Variants in TMEM175 observed in about 807,000 individuals in gnomAD.
The protein encoded by TMEM175 is endosomal/lysosomal proton channel TMEM175.
A neutral mutation model predicts 36.5 loss-of-function variants in TMEM175; 36 were observed. That is an observed-to-expected ratio of 0.99 (90% confidence interval 0.76 to 1.30). The LOEUF (loss-of-function observed/expected upper bound fraction) is 1.30, where lower values mean the gene tolerates loss of function less well. Among genes scored for constraint, TMEM175 ranks in the 50% most tolerant of loss-of-function variants. The pLI is 0.00. For missense variants in TMEM175, 705 were observed against 692.8 expected (o/e 1.02, Z -0.20); for synonymous variants, 339 against 313.4 (o/e 1.08, Z -0.86).
At chr4:953,979 A>G (rs10902761) in intron 8 of TMEM175, among the ~76,000 whole-genome samples, 71,591 of 151,408 alleles carry the variant, frequency 0.47, 17,332 homozygotes, top group African/African-American at 0.56. Flanking sequence ...CCACCACGCC[A>G]GCCTTTATTT....
chr4:955,448 G>A lies in TMEM175; in HGVS notation c.671G>A (p.Ser224Asn). 3 of 1,614,194 alleles carry A rather than the reference G, an allele frequency of 1.9e-6. No individual in the cohort carries two copies. Among genetic ancestry groups the A allele is most frequent in the Non-Finnish European group, 2.5e-6 (3 of 1,180,028 alleles). The change falls in exon 9 of 11, where the codon AGC becomes AAC. Residue 224 changes from serine to asparagine, a missense_variant. Physicochemically the swap from Ser to Asn is conservative, Grantham distance 46. Transcript: ENST00000264771. ...ACTGTCATCCTCCTCCCCTATGTCA[G>A]CAAGGTCACCGGCTGGTGCAGAGAC... ...MVTVILLPYV[S>N]KVTGWCRDRL...
At position 955,540 on chromosome 4, in the gene TMEM175, C is replaced by G. The variant is rs189833174; in HGVS notation, c.706+57C>G. 95 of 1,550,716 alleles carry G rather than the reference C, an allele frequency of 6.1e-5. No homozygotes were observed. In the Admixed American group the frequency reaches 1.6e-3, roughly 25 times the overall value. On this transcript the variant is annotated intron_variant, in intron 9 of 10. Coordinates refer to ENST00000264771, the MANE Select transcript of TMEM175 (RefSeq NM_032326.4). ...GGCCTGTAGTCCGCCCACCTCCGTG[C>G]GGCTGCTCCGCACTGAGGGCTGTCC... is the stretch of plus-strand genomic sequence containing the variant.
chr4:953,578 ACGCT>A (rs1222876451), intron 8 of TMEM175, among the ~76,000 whole-genome samples: 1 of 152,230 alleles, frequency 6.6e-6, no homozygotes, highest in Non-Finnish European at 1.5e-5. Context: ...ACAGAGACGG[ACGCT>A]CATCGAAGGA....
Position 948,129 on chromosome 4 carries a change from C to G in TMEM175, c.167C>G (p.Thr56Ser). The change falls in exon 3 of 11, where the codon ACC (threonine) becomes AGC (serine). Residue 56 changes from threonine to serine, a missense_variant. By Grantham distance (58) the Thr-to-Ser change is moderately conservative. Transcript: ENST00000264771. ...IIATVMILPVTHTEISPEQQF... is the reference protein window; with the variant it reads ...IIATVMILPVSHTEISPEQQF... Reference sequence around the variant, plus strand: ...TTGCCCCCTCAGATCCTGCCTGTGACCCACACGGAGATCTCCCCAGAACAG... The same window carrying G: ...TTGCCCCCTCAGATCCTGCCTGTGAGCCACACGGAGATCTCCCCAGAACAG... The G allele has an allele frequency of 1.2e-5, 20 of 1,614,154 alleles. No homozygotes were observed. The highest frequency in any genetic ancestry group is 1.7e-5 in the Non-Finnish European group (20 of 1,180,038).
chr4:947,907 C>T lies in TMEM175; in HGVS notation c.153+15C>T. ...CCACCGTCATGGTCTGTACGGGGCC[C>T]CTGCTTAGGCCTGCCCCACCCCGAG... On this transcript the variant is annotated intron_variant, in intron 2 of 10. Transcript: ENST00000264771. The T allele has an allele frequency of 6.2e-7, 1 of 1,613,850 alleles. No homozygotes were observed. The highest frequency in any genetic ancestry group is 1.3e-5 in the African/African-American group (1 of 75,040).
At position 958,019 on chromosome 4, in the gene TMEM175, G is replaced by T; in HGVS notation, c.1038G>T (p.Thr346=). 2 of 1,612,006 alleles carry T rather than the reference G, an allele frequency of 1.2e-6. No homozygotes were observed. The highest frequency in any genetic ancestry group is 8.5e-7 in the Non-Finnish European group (1 of 1,179,628). ...KATRAMGLLN[T]LSLAFVGGLP... is the part of the protein sequence containing the mutation. Reference sequence around the variant, plus strand: ...CGCGGGCCATGGGGCTGCTGAACACGCTCTCGCTGGCCTTCGTGGGTGGCC... The same window carrying T: ...CGCGGGCCATGGGGCTGCTGAACACTCTCTCGCTGGCCTTCGTGGGTGGCC... The change falls in exon 11 of 11, where the codon ACG becomes ACT. Residue 346 remains threonine, a synonymous_variant. Coordinates refer to ENST00000264771, the MANE Select transcript of TMEM175 (RefSeq NM_032326.4).
chr4:949,635 G>C (rs941519015), intron 3 of TMEM175, among the ~76,000 whole-genome samples: 2 of 150,838 alleles, frequency 1.3e-5, no homozygotes, highest in African/African-American at 5.0e-5. Context: ...GCCTGCAAGT[G>C]AAGAACCAAG....
chr4:955,826 C>T lies in TMEM175; in HGVS notation c.778C>T (p.Arg260Cys), dbSNP rs746980739. 52 of 1,613,974 alleles carry T rather than the reference C, an allele frequency of 3.2e-5. No individual in the cohort carries two copies. Among genetic ancestry groups the T allele is most frequent in the Non-Finnish European group, 4.1e-5 (48 of 1,180,014 alleles). The change falls in exon 10 of 11, where the codon CGC (arginine) becomes TGC (cysteine). Residue 260 changes from arginine to cysteine, a missense_variant. Arg to Cys is a radical substitution (Grantham distance 180). Transcript: ENST00000264771. ...CCTCCACGAGCCACTCAGCAAGGAG[C>T]GCGTGGAAGCCTTCAGCGACGGAGT... ...FDLHEPLSKE[R>C]VEAFSDGVYA...
At chr4:937,924 G>A (rs1312852181) in intron 1 of TMEM175, among the ~76,000 whole-genome samples, 3 of 151,802 alleles carry the variant, frequency 2.0e-5, no homozygotes, top group African/African-American at 7.3e-5. Flanking sequence ...TCTTGAGAGT[G>A]AAGAAACAAA....
At chr4:951,586 G>A in intron 5 of TMEM175, 96 bp from the exon 6 acceptor site, 2 of 1,521,858 alleles carry the variant, frequency 1.3e-6, no homozygotes, top group Non-Finnish European at 9.0e-7. Flanking sequence ...TTCTTGGGGA[G>A]GGCCCAGCCC....
chr4:936,682 G>A (rs1374987038), intron 1 of TMEM175, among the ~76,000 whole-genome samples: 7 of 152,202 alleles, frequency 4.6e-5, no homozygotes, highest in South Asian at 4.1e-4. Context: ...TGGGCCCGGC[G>A]CGGTGGCTCA....
At chr4:953,629 G>A (rs988801029) in intron 8 of TMEM175, among the ~76,000 whole-genome samples, 1 of 152,254 alleles carries the variant, frequency 6.6e-6, no homozygotes, top group Non-Finnish European at 1.5e-5. Flanking sequence ...GAAGCTTCAC[G>A]ATGACGATGA....
At chr4:948,714 T>G in intron 3 of TMEM175, 1 of 1,168,546 alleles carries the variant, frequency 8.6e-7, no homozygotes. Flanking sequence ...GGAGGGCGTC[T>G]GGGGCCCACA....
At chr4:951,584 G>A (rs1728896128) in intron 5 of TMEM175, 98 bp from the exon 6 acceptor site, 9 of 1,517,598 alleles carry the variant, frequency 5.9e-6, no homozygotes, top group Non-Finnish European at 8.2e-6. Flanking sequence ...CCTTCTTGGG[G>A]AGGGCCCAGC....
At chr4:942,996 C>T (rs1240047249) in intron 1 of TMEM175, among the ~76,000 whole-genome samples, 2 of 152,096 alleles carry the variant, frequency 1.3e-5, no homozygotes, top group African/African-American at 4.8e-5. Context: ...AGACAAGCCA[C>T]AGACTGCAAG....
chr4:950,473 T>A lies in TMEM175; in HGVS notation c.245T>A (p.Leu82Gln). The A allele has an allele frequency of 6.2e-7, 1 of 1,614,122 alleles. No individual in the cohort carries two copies. The highest frequency in any genetic ancestry group is 1.1e-5 in the South Asian group (1 of 91,092). Residue 82 changes from leucine to glutamine, a missense_variant, in exon 4 of 11, where the codon CTG (leucine) becomes CAG (glutamine). By Grantham distance (113) the Leu-to-Gln change is moderately radical. Transcript: ENST00000264771. ...CTGGCAACACGGATTGCCGTCTACC[T>A]GATGACCTTTCTCATCGTGACAGTG... The part of the protein sequence containing the change: ...RLLATRIAVY[L>Q]MTFLIVTVAW...
At chr4:951,388 A>G in intron 5 of TMEM175, 130 bp downstream of exon 5, 1 of 1,063,380 alleles carries the variant, frequency 9.4e-7, no homozygotes, top group South Asian at 1.3e-5. Flanking sequence ...ATCTGTCCAC[A>G]GCTGGGAGCT....
At chr4:947,397 C>T (rs754436441) in intron 1 of TMEM175, among the ~76,000 whole-genome samples, 4 of 152,206 alleles carry the variant, frequency 2.6e-5, no homozygotes, top group Non-Finnish European at 5.9e-5. Context: ...TTTAGGTCGG[C>T]CTTGGGGTCT....
At chr4:952,290 A>G (rs1728986532) in intron 6 of TMEM175, 77 bp from the exon 7 acceptor site, 3 of 1,336,338 alleles carry the variant, frequency 2.2e-6, no homozygotes, top group Non-Finnish European at 3.2e-6. Flanking sequence ...GGGGAGGCTC[A>G]CCATGGCCCA....
Sources: allele counts gnomAD v4.1 joint callset (sites outside exome capture counted in the v4.1 genomes callset), GRCh38; gene constraint gnomAD v4.1.1; transcripts MANE v1.5; gene names NCBI Gene and HGNC (gene_info 2026-07-23, HGNC 2026-07-21).